The following KHDRBS2 variants were observed in gnomAD, a reference collection of about 807,000 sequenced individuals.
KHDRBS2 encodes the protein KH domain-containing, RNA-binding, signal transduction-associated protein 2.
Under a neutral mutation model 44.3 loss-of-function variants are expected in KHDRBS2, and 26 were observed. That is an observed-to-expected ratio of 0.59 (90% CI 0.43 to 0.81). The LOEUF (loss-of-function observed/expected upper bound fraction) is 0.81. Among genes scored for constraint, KHDRBS2 ranks in the 40% least tolerant of loss-of-function variants. The pLI is 0.00. For missense variants in KHDRBS2, 476 were observed against 433.1 expected (o/e 1.10, Z -0.88); for synonymous variants, 194 against 151.1 (o/e 1.28, Z -2.08).
chr6:61,718,426 A>G (rs773310300), intron 7 of KHDRBS2, among the ~76,000 whole-genome samples: 50 of 152,260 alleles, frequency 3.3e-4, no homozygotes, highest in Non-Finnish European at 6.5e-4. Context: ...AATATGTACA[A>G]TTACTACTTA....
chr6:61,545,230 G>A, the KHDRBS2 span, among the ~76,000 whole-genome samples: 3 of 152,018 alleles, frequency 2.0e-5, no homozygotes. Context: ...AGGACCACTT[G>A]AGGCCAGGAG....
At chr6:62,126,146 A>T (rs209004) in intron 2 of KHDRBS2, among the ~76,000 whole-genome samples, 1 of 152,024 alleles carries the variant, frequency 6.6e-6, no homozygotes, top group African/African-American at 2.4e-5. Context: ...GCCTGGCAGC[A>T]TTTACCACAA....
At chr6:61,617,225 A>T in the KHDRBS2 span, among the ~76,000 whole-genome samples, 3 of 152,198 alleles carry the variant, frequency 2.0e-5, no homozygotes, top group Admixed American at 2.0e-4. Flanking sequence ...TCACATTTTA[A>T]ACTGTTCTGT....
intron 8 of KHDRBS2, among the ~76,000 whole-genome samples, chr6:61,694,914 C>T (rs576532246): frequency 6.6e-6 from 1 of 152,184 alleles, no homozygotes; most frequent in East Asian, 1.9e-4. Context: ...AGTTCTGTCT[C>T]CTATAACAGC....
chr6:61,619,627 T>A, the KHDRBS2 span, among the ~76,000 whole-genome samples: 13 of 152,242 alleles, frequency 8.5e-5, no homozygotes, highest in South Asian at 1.5e-3. Flanking sequence ...GCTAATTTTG[T>A]ATTTTCAGTA....
the KHDRBS2 span, among the ~76,000 whole-genome samples, chr6:61,603,495 G>T: frequency 1.3e-5 from 2 of 152,240 alleles, no homozygotes; most frequent in African/African-American, 2.4e-5. Context: ...CATTATTTCA[G>T]TCAAGCCAGA....
At chr6:61,929,192 A>C (rs1225763109) in intron 4 of KHDRBS2, among the ~76,000 whole-genome samples, 2 of 152,170 alleles carry the variant, frequency 1.3e-5, no homozygotes, top group South Asian at 4.1e-4. Flanking sequence ...GAAGTGCTGA[A>C]GTGGGAAGCC....
At chr6:62,099,416 G>A (rs1402316350) in intron 2 of KHDRBS2, among the ~76,000 whole-genome samples, 1 of 152,178 alleles carries the variant, frequency 6.6e-6, no homozygotes, top group Non-Finnish European at 1.5e-5. Flanking sequence ...TTTTTCAGCA[G>A]TAGGAGGTGT....
intron 2 of KHDRBS2, among the ~76,000 whole-genome samples, chr6:62,070,861 G>C (rs559329227): frequency 2.0e-5 from 3 of 152,148 alleles, no homozygotes; most frequent in Non-Finnish European, 2.9e-5. Flanking sequence ...ACCCAGCAAT[G>C]GGATGGCTGG....
chr6:61,553,502 C>T, the KHDRBS2 span, among the ~76,000 whole-genome samples: 1 of 151,918 alleles, frequency 6.6e-6, no homozygotes, highest in South Asian at 2.1e-4. Flanking sequence ...CTCATTTTTC[C>T]TTCAGTTCTG....
chr6:61,753,904 G>C (rs1039223494), intron 6 of KHDRBS2, among the ~76,000 whole-genome samples: 4 of 152,102 alleles, frequency 2.6e-5, no homozygotes, highest in African/African-American at 4.8e-5. Context: ...TCTTATAAGA[G>C]GGAAGCAGAG....
intron 6 of KHDRBS2, among the ~76,000 whole-genome samples, chr6:61,826,883 T>C (rs1465092318): frequency 6.6e-6 from 1 of 152,126 alleles, no homozygotes; most frequent in Non-Finnish European, 1.5e-5. Context: ...CAAAGCAATA[T>C]TAAAGGTGAA....
At chr6:62,217,357 C>T (rs959480559) in intron 1 of KHDRBS2, among the ~76,000 whole-genome samples, 2 of 151,720 alleles carry the variant, frequency 1.3e-5, no homozygotes, top group African/African-American at 2.4e-5. Flanking sequence ...ATATATTCAA[C>T]GTCATGTAAT....
At chr6:61,756,656 G>T (rs1394559796) in intron 6 of KHDRBS2, among the ~76,000 whole-genome samples, 1 of 152,192 alleles carries the variant, frequency 6.6e-6, no homozygotes, top group Admixed American at 6.5e-5. Context: ...AAACAGCAGT[G>T]CATTTTGCTA....
chr6:62,056,293 G>C (rs577198526), intron 2 of KHDRBS2, among the ~76,000 whole-genome samples: 1 of 151,900 alleles, frequency 6.6e-6, no homozygotes, highest in South Asian at 2.1e-4. Flanking sequence ...ATAAATTTTT[G>C]ATTGAAAATT....
intron 1 of KHDRBS2, among the ~76,000 whole-genome samples, chr6:62,244,179 T>A (rs962893960): frequency 2.6e-5 from 4 of 152,174 alleles, no homozygotes; most frequent in African/African-American, 9.7e-5. Context: ...GAAACTATTA[T>A]ATTTTTGCTT....
chr6:61,721,803 C>T (rs1772614746), intron 7 of KHDRBS2, among the ~76,000 whole-genome samples: 2 of 69,528 alleles, frequency 2.9e-5, no homozygotes, highest in African/African-American at 1.4e-4. Context: ...CTGGCCAGAA[C>T]TTCCAACACT....
chr6:61,634,636 G>A, the KHDRBS2 span, among the ~76,000 whole-genome samples: 2 of 151,918 alleles, frequency 1.3e-5, no homozygotes, highest in Admixed American at 6.6e-5. Context: ...TTTATTTTAG[G>A]AAAGCATCTA....
At chr6:61,748,058 TCAGCTCACTG>T (rs1177946783) in intron 6 of KHDRBS2, among the ~76,000 whole-genome samples, 4 of 152,180 alleles carry the variant, frequency 2.6e-5, no homozygotes, top group Non-Finnish European at 5.9e-5. Flanking sequence ...TGGCATGATC[TCAGCTCACTG>T]CAACCTCTGC....
Sources: allele counts gnomAD v4.1 joint callset (sites outside exome capture counted in the v4.1 genomes callset), GRCh38; gene constraint gnomAD v4.1.1; transcripts MANE v1.5; gene names NCBI Gene and HGNC (gene_info 2026-07-23, HGNC 2026-07-21).